ADAMTS5: variants seen among roughly 807,000 people sequenced by gnomAD.
ADAMTS5 encodes the protein A disintegrin and metalloproteinase with thrombospondin motifs 5.
ADAMTS5 carries 54 observed loss-of-function variants against 81.4 expected under a neutral mutation model. That is an observed-to-expected ratio of 0.66 (90% confidence interval 0.53 to 0.83). The LOEUF (loss-of-function observed/expected upper bound fraction) is 0.83. Ranked by LOEUF, ADAMTS5 falls within the 40% of genes least tolerant of loss-of-function variation. ADAMTS5 has a pLI of 0.00. For synonymous variants in ADAMTS5, 532 were observed against 508.8 expected (o/e 1.05, Z -0.61); for missense variants, 1,194 against 1,229.9 (o/e 0.97, Z 0.44).
At chr21:26,954,658 T>G (rs921184069) in intron 2 of ADAMTS5, 81 bp downstream of exon 2, 8 of 1,557,536 alleles carry the variant, frequency 5.1e-6, no homozygotes, top group Non-Finnish European at 6.9e-6. Flanking sequence ...AAATCTGGAA[T>G]TAATTGCTAA....
chr21:26,933,027 G>T lies in ADAMTS5; in HGVS notation c.1707C>A (p.Asn569Lys), dbSNP rs1287825081. 6.2e-7 allele frequency: 1 copy of T among 1,613,120 alleles called. No homozygotes were observed. Among genetic ancestry groups the T allele is most frequent in the Non-Finnish European group, 8.5e-7 (1 of 1,179,760 alleles). ...GGCCCCAGGATCCCCAAGATCCCCA[G>T]TTGCCATGGCTTGACGTCTGAAATA... ...KKYYSTSSHGNWGSWGSWGQC... is the reference protein window; with the variant it reads ...KKYYSTSSHGKWGSWGSWGQC... The change falls in exon 5 of 8, where the codon AAC (asparagine) becomes AAA (lysine). Residue 569 changes from asparagine (N) to lysine (K), a missense_variant. By Grantham distance (94) the Asn-to-Lys change is moderately conservative. Around this residue, in one of 2 missense-constraint regions of ADAMTS5, gnomAD observed 696 missense variants for 817.6 expected, o/e 0.85. Transcript: ENST00000284987.
chr21:26,953,044 G>T (rs1422535259), intron 2 of ADAMTS5, among the ~76,000 whole-genome samples: 1 of 152,172 alleles, frequency 6.6e-6, no homozygotes, highest in Non-Finnish European at 1.5e-5. Flanking sequence ...TATCAGTAAG[G>T]ATTAATAGGC....
chr21:26,965,067 A>C (rs933822988), intron 1 of ADAMTS5, among the ~76,000 whole-genome samples: 1 of 152,202 alleles, frequency 6.6e-6, no homozygotes, highest in Non-Finnish European at 1.5e-5. Context: ...CTGGGTCTTC[A>C]TCATCACCTA....
rs1986683867 is a variant in ADAMTS5, at chr21:26,921,009, C to G, written c.*3044G>C. 1 of 152,436 alleles carries G rather than the reference C, an allele frequency of 6.6e-6. No homozygotes were observed. Among genetic ancestry groups the G allele is most frequent in the African/African-American group, 2.4e-5 (1 of 41,402 alleles). 9.4% of individuals were successfully genotyped at this position (152,436 alleles called of 1,614,324 possible). On this transcript the variant is annotated 3_prime_UTR_variant, in exon 8 of 8. Transcript: ENST00000284987. Reference sequence around the variant, plus strand: ...ACAAAGTGTAAAAGTGTACTTTATACACAAACATGAAGCATAAATTAAAAA... The same window carrying G: ...ACAAAGTGTAAAAGTGTACTTTATAGACAAACATGAAGCATAAATTAAAAA...
intron 1 of ADAMTS5, among the ~76,000 whole-genome samples, chr21:26,963,458 ATT>A (rs1987568185): frequency 6.6e-6 from 1 of 151,402 alleles, no homozygotes; most frequent in South Asian, 2.1e-4. Context: ...TGAAATGTGG[ATT>A]TGTGTTTAAA....
In ADAMTS5 at chr21:26,966,300, G is replaced by A. The variant is rs769893123; in HGVS notation, c.92C>T (p.Ala31Val). ...GPAATPAQDK[A>V]GQPPTAAAAA... ...TGCTGCAGCAGTCGGAGGCTGCCCG[G>A]CTTTATCCTGGGCAGGTGTCGCGGC... Residue 31 changes from alanine (A) to valine (V), a missense_variant, in exon 1 of 8, where the codon GCC becomes GTC. By Grantham distance (64) the Ala-to-Val change is moderately conservative. This residue lies in a region of ADAMTS5 where 498 missense variants were observed against 412.3 expected (regional missense o/e 1.21). Coordinates refer to ENST00000284987, the MANE Select transcript of ADAMTS5 (RefSeq NM_007038.5). The A allele has an allele frequency of 5.9e-6, 9 of 1,536,924 alleles. No individual in the cohort carries two copies. The highest frequency in any genetic ancestry group is 1.4e-5 in the African/African-American group (1 of 72,668).
intron 3 of ADAMTS5, 139 bp from the exon 4 acceptor site, chr21:26,934,888 G>A: frequency 8.5e-7 from 1 of 1,173,464 alleles, no homozygotes; most frequent in Non-Finnish European, 1.2e-6. Context: ...CTCTGGAGAG[G>A]GACTCCATGG....
At chr21:26,945,110 G>T (rs1002672738) in intron 2 of ADAMTS5, among the ~76,000 whole-genome samples, 1 of 149,476 alleles carries the variant, frequency 6.7e-6, no homozygotes, top group Non-Finnish European at 1.5e-5. Flanking sequence ...TCTAATTTTT[G>T]AGTGGTTTGT....
At chr21:26,927,229 C>A (rs191359228) in intron 7 of ADAMTS5, among the ~76,000 whole-genome samples, 1 of 152,154 alleles carries the variant, frequency 6.6e-6, no homozygotes, top group Non-Finnish European at 1.5e-5. Context: ...AAAATATATT[C>A]ATTTATATTC....
In ADAMTS5 at chr21:26,929,872, T is replaced by C; in HGVS notation, c.2225+14A>G. 1 of 1,611,022 alleles carries C rather than the reference T, an allele frequency of 6.2e-7. No individual in the cohort carries two copies. Among genetic ancestry groups the C allele is most frequent in the Non-Finnish European group, 8.5e-7 (1 of 1,177,892 alleles). On this transcript the variant is annotated intron_variant, in intron 7 of 7. Transcript: ENST00000284987. The stretch of plus-strand genomic sequence containing the variant: ...TGTTCAATTCACATAAAGACAAAGG[T>C]TCTATCATATTACCTTTTCTTATTA...
At position 26,935,216 on chromosome 21, in the gene ADAMTS5, C is replaced by T. The variant is rs73899334; in HGVS notation, c.1406-467G>A. Among the ~76,000 whole-genome samples the T allele has an allele frequency of 4.1e-3, 626 of 152,120 alleles. 3 individuals are homozygous for T. Among genetic ancestry groups the T allele is most frequent in the African/African-American group, 0.015 (612 of 41,496 alleles). ...AACCCATTACCCATTTCTAACTCAC[C>T]CCTTCCCCATGTGCCTATCACATGT... On this transcript the variant is annotated intron_variant, in intron 3 of 7. Coordinates refer to ENST00000284987, the MANE Select transcript of ADAMTS5 (RefSeq NM_007038.5).
At chr21:26,954,896 ATTAAAATCAATT>A (rs766226433) in intron 1 of ADAMTS5, 25 bp from the exon 2 acceptor site, 11 of 1,612,108 alleles carry the variant, frequency 6.8e-6, no homozygotes, top group Non-Finnish European at 9.3e-6. Flanking sequence ...GAAAGAAATC[ATTAAAATCAATT>A]TACATCCAGA....
At chr21:26,952,083 C>A (rs1360502104) in intron 2 of ADAMTS5, among the ~76,000 whole-genome samples, 1 of 152,046 alleles carries the variant, frequency 6.6e-6, no homozygotes, top group Non-Finnish European at 1.5e-5. Flanking sequence ...ACTTCCAGAC[C>A]TTAAATAGCT....
chr21:26,927,669 C>T (rs1986829175), intron 7 of ADAMTS5, among the ~76,000 whole-genome samples: 1 of 152,002 alleles, frequency 6.6e-6, no homozygotes, highest in Admixed American at 6.6e-5. Flanking sequence ...AGATGGAAGC[C>T]ATTGGAGGCT....
At position 26,924,558 on chromosome 21, in the gene ADAMTS5, A is replaced by T; in HGVS notation, c.2288T>A (p.Phe763Tyr). 2.5e-6 allele frequency: 4 copies of T among 1,614,120 alleles called. No individual in the cohort carries two copies. Among genetic ancestry groups the T allele is most frequent in the Non-Finnish European group, 2.5e-6 (3 of 1,180,012 alleles). Residue 763 changes from phenylalanine (F) to tyrosine (Y), a missense_variant, in exon 8 of 8, where the codon TTC becomes TAC. Phe to Tyr is a conservative substitution (Grantham distance 22). Transcript: ENST00000284987. Reference protein sequence around the residue: ...EGATHIKVRQFKAKDQTRFTA... With the variant: ...EGATHIKVRQYKAKDQTRFTA... The stretch of plus-strand genomic sequence containing the variant: ...GAATCTAGTCTGGTCTTTGGCTTTG[A>T]ACTGTCGAACTTTTATGTGGGTTGC...
At chr21:26,953,413 A>G (rs1987358666) in intron 2 of ADAMTS5, among the ~76,000 whole-genome samples, 1 of 152,242 alleles carries the variant, frequency 6.6e-6, no homozygotes, top group South Asian at 2.1e-4. Context: ...CATTAATGCC[A>G]TACTTAAGAA....
Position 26,965,698 on chromosome 21 carries a change from C to T in ADAMTS5, c.694G>A (p.Ala232Thr). The change falls in exon 1 of 8, where the codon GCA (alanine) becomes ACA (threonine). Residue 232 changes from alanine (A) to threonine (T), a missense_variant. Physicochemically the swap from Ala to Thr is moderately conservative, Grantham distance 58 (BLOSUM62 0). Coordinates refer to ENST00000284987, the MANE Select transcript of ADAMTS5 (RefSeq NM_007038.5). Reference protein sequence around the residue: ...APAHSNPSGRAALASQLLDQS... With the variant: ...APAHSNPSGRTALASQLLDQS... Reference sequence around the variant, plus strand: ...TCCAAGAGCTGCGAGGCCAGTGCTGCGCGTCCGCTCGGGTTGCTGTGCGCC... The same window carrying T: ...TCCAAGAGCTGCGAGGCCAGTGCTGTGCGTCCGCTCGGGTTGCTGTGCGCC... The T allele has an allele frequency of 1.3e-6, 2 of 1,580,680 alleles. No homozygotes were observed. Among genetic ancestry groups the T allele is most frequent in the Non-Finnish European group, 1.7e-6 (2 of 1,165,676 alleles).
chr21:26,965,333 A>G lies in ADAMTS5; in HGVS notation c.1059T>C (p.Asp353=). The change falls in exon 1 of 8, where the codon GAT becomes GAC. Residue 353 remains aspartate (D), a synonymous_variant. Transcript: ENST00000284987. ...CTGCATCGTAGTGCTCCTCATGGTC[A>G]TCTCCCAGCTGGTTGTGTTGGTGCT... ...KWQHQHNQLG[D]DHEEHYDAAI... The G allele has an allele frequency of 6.2e-7, 1 of 1,614,218 alleles. No individual in the cohort carries two copies. Among genetic ancestry groups the G allele is most frequent in the Non-Finnish European group, 8.5e-7 (1 of 1,180,014 alleles).
In ADAMTS5 at chr21:26,920,216, A is replaced by G. The variant is rs903644350; in HGVS notation, c.*3837T>C. The G allele has an allele frequency of 6.6e-6, 1 of 152,104 alleles. No individual in the cohort carries two copies. The highest frequency in any genetic ancestry group is 1.5e-5 in the Non-Finnish European group (1 of 67,992). The allele number at this position is 152,104 out of a possible 1,614,324, so 9.4% of individuals were successfully genotyped here. On this transcript the variant is annotated 3_prime_UTR_variant, in exon 8 of 8. Transcript: ENST00000284987. ...AAAATGACCTTGTTAACAAGGAAGGAATCAATGGGGAAATATCACAACCAG... is the reference window on the plus strand; with the variant it reads ...AAAATGACCTTGTTAACAAGGAAGGGATCAATGGGGAAATATCACAACCAG...
Sources: gnomAD v4.1 joint callset for allele counts (sites outside exome capture counted in the v4.1 genomes callset) on GRCh38, gnomAD v4.1.1 for gene constraint, gnomAD v4.1.1 regional missense constraint, MANE v1.5 for transcripts, NCBI Gene and HGNC (gene_info 2026-07-23, HGNC 2026-07-21) for gene names.